The following AGAP3 variants were observed in gnomAD, a reference collection of about 807,000 sequenced individuals.
AGAP3 encodes arf-GAP with GTPase, ANK repeat and PH domain-containing protein 3.
Under a neutral mutation model 96.9 loss-of-function variants are expected in AGAP3, and 24 were observed. The ratio of observed to expected loss-of-function variants is 0.25; its 90% CI spans 0.18 to 0.35. The LOEUF (loss-of-function observed/expected upper bound fraction) is 0.35. Among genes scored for constraint, AGAP3 ranks in the 10% least tolerant of loss-of-function variants. The probability of loss-of-function intolerance (pLI) is 1.00; values close to 1 mark genes in which losing one functional copy is unlikely to be tolerated. For synonymous variants in AGAP3, 563 were observed against 536.1 expected (o/e 1.05, Z -0.69); for missense variants, 876 against 1,254.2 (o/e 0.70, Z 4.55).
chr7:151,142,557 C>T lies in AGAP3; in HGVS notation c.2196C>T (p.Ala732=). Residue 732 remains alanine, a synonymous_variant, in exon 16 of 18, where the codon GCC becomes GCT. Coordinates refer to ENST00000397238, the MANE Select transcript of AGAP3 (RefSeq NM_031946.7). This position sits in a 1 kb window ranked among gnomAD's most constrained non-coding sequence, Gnocchi z 7.5. ...CTGAGCTGCTGGCTGTCATGACTGC[C>T]ATGGGCAATGCCCTCGCCAACAGCG... ...WPPELLAVMT[A]MGNALANSVW... is the part of the protein sequence containing the mutation. 6 of 1,613,746 alleles carry T rather than the reference C, an allele frequency of 3.7e-6. No individual in the cohort carries two copies. Among genetic ancestry groups the T allele is most frequent in the South Asian group, 1.1e-5 (1 of 91,084 alleles).
At position 151,112,531 on chromosome 7, in the gene AGAP3, CCT is replaced by C. The variant is rs536212441; in HGVS notation, c.332-4261_332-4260del. 4.3e-3 allele frequency among the ~76,000 whole-genome samples: 657 copies of C among 152,036 alleles called. 1 individual carries two copies. Among genetic ancestry groups the C allele is most frequent in the African/African-American group, 0.014 (591 of 41,462 alleles). Reference sequence around the variant, plus strand: ...AGCTAGGTTCTAAAGTGATCCATCCCCTGTCGGATACCGTGTCCCCATCCCCT... The same window carrying C: ...AGCTAGGTTCTAAAGTGATCCATCCCGTCGGATACCGTGTCCCCATCCCCT... On this transcript the variant is annotated intron_variant, in intron 1 of 17. Coordinates refer to ENST00000397238, the MANE Select transcript of AGAP3 (RefSeq NM_031946.7).
chr7:151,125,589 G>T (rs989967844), intron 9 of AGAP3, among the ~76,000 whole-genome samples: 1 of 152,226 alleles, frequency 6.6e-6, no homozygotes, highest in African/African-American at 2.4e-5. Flanking sequence ...GTTCTGTAAC[G>T]ATCGCTCGCT....
Position 151,123,401 on chromosome 7 carries a change from C to T in AGAP3, c.1129-393C>T, listed in dbSNP as rs967922724. ...TGCCGTGTGGTGTCTGTGCCGCAGACGGGCCATCTGCCCGCTCACTTGTGG... is the reference window on the plus strand; with the variant it reads ...TGCCGTGTGGTGTCTGTGCCGCAGATGGGCCATCTGCCCGCTCACTTGTGG... On this transcript the variant is annotated intron_variant, in intron 8 of 17. Coordinates refer to ENST00000397238, the MANE Select transcript of AGAP3 (RefSeq NM_031946.7). 5.6e-6 allele frequency: 6 copies of T among 1,080,474 alleles called. No individual in the cohort carries two copies. In the East Asian group the frequency reaches 2.2e-4, roughly 40 times the overall value. 66.9% of individuals were successfully genotyped at this position (1,080,474 alleles called of 1,614,324 possible). A position where few individuals can be genotyped will look rare whatever the true frequency, so the allele number is the denominator to read the frequency against.
chr7:151,103,102 G>A (rs1412627313), intron 1 of AGAP3, among the ~76,000 whole-genome samples: 1 of 152,238 alleles, frequency 6.6e-6, no homozygotes, highest in Non-Finnish European at 1.5e-5. Context: ...TTCTCATACT[G>A]TGCCAGGCAC....
intron 1 of AGAP3, chr7:151,090,624 T>TGG (rs1798355083): frequency 6.6e-6 from 1 of 152,478 alleles, no homozygotes; most frequent in East Asian, 1.9e-4. Context: ...TGACTGCAGT[T>TGG]GGGTGGCAGC....
At chr7:151,124,164 G>C (rs1456604187) in intron 9 of AGAP3, among the ~76,000 whole-genome samples, 2 of 152,250 alleles carry the variant, frequency 1.3e-5, no homozygotes, top group African/African-American at 4.8e-5. Flanking sequence ...CGCTCAGCCT[G>C]TCCCGCTGGT....
At chr7:151,110,082 G>A (rs188626823) in intron 1 of AGAP3, among the ~76,000 whole-genome samples, 15 of 152,316 alleles carry the variant, frequency 9.8e-5, no homozygotes, top group Non-Finnish European at 1.8e-4. Flanking sequence ...AGGGTGCGCC[G>A]TGCCTTTCAA....
chr7:151,087,146 G>A, intron 1 of AGAP3, 74 bp downstream of exon 1: 2 of 1,470,612 alleles, frequency 1.4e-6, no homozygotes, highest in South Asian at 1.2e-5. Context: ...TCCACAGGCC[G>A]TGCCTGGCCA....
At chr7:151,127,869 T>C (rs1042832080) in intron 9 of AGAP3, among the ~76,000 whole-genome samples, 2 of 152,192 alleles carry the variant, frequency 1.3e-5, no homozygotes, top group Non-Finnish European at 1.5e-5. Context: ...CCCCAGTTCT[T>C]CCAACATATG....
chr7:151,114,879 G>T lies in AGAP3; in HGVS notation c.332-1914G>T, dbSNP rs1336348357. 4.0e-6 allele frequency: 4 copies of T among 1,009,952 alleles called. No individual in the cohort carries two copies. The highest frequency in any genetic ancestry group is 3.5e-5 in the African/African-American group (2 of 57,128). The allele number at this position is 1,009,952 out of a possible 1,614,324, so 62.6% of individuals were successfully genotyped here. A position where few individuals can be genotyped will look rare whatever the true frequency, so the allele number is the denominator to read the frequency against. On this transcript the variant is annotated intron_variant, in intron 1 of 17. Transcript: ENST00000397238. This position sits in a 1 kb window ranked among gnomAD's most constrained non-coding sequence, Gnocchi z 4.4. ...GCTGGACCTGCACGGCGCCTCGGCCGGCCGCGCTGCCGCCGCCCTGCAGGC... is the reference window on the plus strand; with the variant it reads ...GCTGGACCTGCACGGCGCCTCGGCCTGCCGCGCTGCCGCCGCCCTGCAGGC...
chr7:151,120,239 C>CA (rs1384494467), intron 8 of AGAP3, 94 bp downstream of exon 8: 1 of 1,359,750 alleles, frequency 7.4e-7, no homozygotes, highest in South Asian at 1.4e-5. Context: ...TGGGCAGCCC[C>CA]AAGTCAGGAA....
At chr7:151,101,160 G>C (rs1237659679) in intron 1 of AGAP3, among the ~76,000 whole-genome samples, 1 of 152,258 alleles carries the variant, frequency 6.6e-6, no homozygotes, top group Non-Finnish European at 1.5e-5. Context: ...CCCCAGCCCA[G>C]CACCAGGCCC....
At chr7:151,135,926 AC>A in intron 11 of AGAP3, among the ~76,000 whole-genome samples, 1 of 152,262 alleles carries the variant, frequency 6.6e-6, no homozygotes, top group Non-Finnish European at 1.5e-5. Flanking sequence ...CCTCTAAGCC[AC>A]CCTGAGCTCA....
Position 151,138,232 on chromosome 7 carries a change from C to T in AGAP3, c.1585C>T (p.His529Tyr), listed in dbSNP as rs754983309. 2.5e-6 allele frequency: 4 copies of T among 1,612,544 alleles called. No individual in the cohort carries two copies. Among genetic ancestry groups the T allele is most frequent in the Non-Finnish European group, 3.4e-6 (4 of 1,179,724 alleles). The part of the protein sequence containing the change: ...AWAGPRPEGL[H>Y]QRSCSVSSAD... ...GGCTGGCCCGCGCCCTGAGGGGCTG[C>T]ACCAGCGCTCCTGCTCCGTTTCCAG... is the stretch of plus-strand genomic sequence containing the variant. The change falls in exon 12 of 18, where the codon CAC (histidine) becomes TAC (tyrosine). Residue 529 changes from histidine (H) to tyrosine (Y), a missense_variant. His to Tyr is a moderately conservative substitution (Grantham distance 83). Transcript: ENST00000397238.
chr7:151,097,548 A>C (rs1798658206), intron 1 of AGAP3, among the ~76,000 whole-genome samples: 1 of 149,296 alleles, frequency 6.7e-6, no homozygotes, highest in Admixed American at 6.7e-5. Context: ...AAAAGAAAAG[A>C]GGTTTAATTG....
At position 151,139,830 on chromosome 7, in the gene AGAP3, C is replaced by A. The variant is rs1800750532; in HGVS notation, c.1667-149C>A. 2 of 694,844 alleles carry A rather than the reference C, an allele frequency of 2.9e-6. No homozygotes were observed. Among genetic ancestry groups the A allele is most frequent in the Non-Finnish European group, 4.2e-6 (2 of 481,596 alleles). 43.0% of individuals were successfully genotyped at this position (694,844 alleles called of 1,614,324 possible). ...TTGGGACTGGGAAGCCCAGGCAGAC[C>A]TCGCCTAGAGAGAGGTGTCCGTCTG... On this transcript the variant is annotated intron_variant, in intron 12 of 17. Transcript: ENST00000397238. The surrounding 1 kb of genome is among the most constrained non-coding windows in gnomAD (Gnocchi z 4.9).
chr7:151,118,673 T>A lies in AGAP3; in HGVS notation c.969+41T>A, dbSNP rs776724709. On this transcript the variant is annotated intron_variant, in intron 7 of 17. Transcript: ENST00000397238. The surrounding 1 kb of genome is among the most constrained non-coding windows in gnomAD (Gnocchi z 6.1). ...CGCCCTGCCCTTCCTGTCCCCACCATGTCTGTCTTGCCTCTGTGCGTCCTG... is the reference window on the plus strand; with the variant it reads ...CGCCCTGCCCTTCCTGTCCCCACCAAGTCTGTCTTGCCTCTGTGCGTCCTG... The A allele has an allele frequency of 1.2e-6, 2 of 1,600,440 alleles. No individual in the cohort carries two copies. The highest frequency in any genetic ancestry group is 1.7e-6 in the Non-Finnish European group (2 of 1,175,204).
At chr7:151,115,572 C>T (rs1379211753) in intron 1 of AGAP3, 23 of 1,143,962 alleles carry the variant, frequency 2.0e-5, no homozygotes, top group South Asian at 8.4e-5. Flanking sequence ...CCGGAGGGAG[C>T]CCGCGCCCGC....
rs754328076 is a variant in AGAP3 at position 151,128,598 on chromosome 7, A to C, written c.1240A>C (p.Ser414Arg). The C allele has an allele frequency of 8.1e-6, 13 of 1,613,594 alleles. No homozygotes were observed. The highest frequency in any genetic ancestry group is 2.7e-5 in the African/African-American group (2 of 74,874). The change falls in exon 10 of 18, where the codon AGC (serine) becomes CGC (arginine). Residue 414 changes from serine (S) to arginine (R), a missense_variant. Ser to Arg is a moderately radical substitution (Grantham distance 110). Coordinates refer to ENST00000397238, the MANE Select transcript of AGAP3 (RefSeq NM_031946.7). ...PIKQGILLKR[S>R]GKSLNKEWKK... ...TTCTCAGGGGATCCTGCTAAAGCGG[A>C]GCGGCAAGTCCCTGAACAAGGAGTG...
Sources: gnomAD v4.1 joint callset for allele counts (sites outside exome capture counted in the v4.1 genomes callset) on GRCh38, gnomAD v4.1.1 for gene constraint, Gnocchi (gnomAD v3.1) non-coding constraint, MANE v1.5 for transcripts, NCBI Gene and HGNC (gene_info 2026-07-23, HGNC 2026-07-21) for gene names.